SASH1: variants seen among roughly 807,000 people sequenced by gnomAD.
The protein encoded by SASH1 is SAM and SH3 domain-containing protein 1.
SASH1 carries 44 observed loss-of-function variants against 125.2 expected under a neutral mutation model. That is an observed-to-expected ratio of 0.35 (90% CI 0.28 to 0.45). SASH1 has a LOEUF of 0.45. SASH1 is among the 20% of genes least tolerant of loss of function. The pLI, the probability that SASH1 is intolerant of heterozygous loss-of-function variation, is 1.00. For synonymous variants in SASH1, 639 were observed against 649.1 expected (o/e 0.98, Z 0.24); for missense variants, 1,426 against 1,614.5 (o/e 0.88, Z 2.00).
intron 2 of SASH1, among the ~76,000 whole-genome samples, chr6:148,420,209 G>A (rs902070429): frequency 6.6e-6 from 1 of 152,136 alleles, no homozygotes; most frequent in South Asian, 2.1e-4. Flanking sequence ...GATAGTGTGC[G>A]TGTGTGTATG....
At chr6:148,277,617 C>T (rs915169947) in intron 1 of SASH1, among the ~76,000 whole-genome samples, 7 of 152,190 alleles carry the variant, frequency 4.6e-5, no homozygotes, top group African/African-American at 1.7e-4. Context: ...TATGTTGACA[C>T]TCCAATAGTT....
chr6:148,431,103 GA>G (rs1243076361), intron 2 of SASH1, among the ~76,000 whole-genome samples: 1 of 152,240 alleles, frequency 6.6e-6, no homozygotes, highest in East Asian at 1.9e-4. Context: ...ACTACAAGTG[GA>G]ATGGATTCAC....
At position 148,320,921 on chromosome 6, in the gene SASH1, C is replaced by A. The variant is rs73597360; in HGVS notation, n.74+48544C>A. 7.9e-3 allele frequency among the ~76,000 whole-genome samples: 1,205 copies of A among 152,348 alleles called. 10 individuals are homozygous for A. The highest frequency in any genetic ancestry group is 0.027 in the African/African-American group (1,139 of 41,574). On this transcript the variant is annotated intron_variant and non_coding_transcript_variant, in intron 1 of 3. Transcript: ENST00000367469. The stretch of plus-strand genomic sequence containing the variant: ...ACCACATGGCTGAGTAATTTTGATT[C>A]TTCCTTCAGTACTTCTTACTAACTC...
the SASH1 span, among the ~76,000 whole-genome samples, chr6:148,232,689 T>C: frequency 3.3e-5 from 5 of 152,126 alleles, no homozygotes; most frequent in Non-Finnish European, 2.9e-5. Flanking sequence ...AAGCCAAAGA[T>C]TGTGAGGAAG....
chr6:148,194,831 A>C, the SASH1 span, among the ~76,000 whole-genome samples: 1 of 152,154 alleles, frequency 6.6e-6, no homozygotes, highest in Admixed American at 6.5e-5. Flanking sequence ...GCGTGAACCT[A>C]GGAGGCGGAG....
intron 1 of SASH1, among the ~76,000 whole-genome samples, chr6:148,362,044 G>A (rs1782243052): frequency 3.3e-5 from 5 of 149,968 alleles, no homozygotes; most frequent in South Asian, 4.2e-4. Flanking sequence ...CTCCCGAGTA[G>A]CTGGGACTAC....
At chr6:148,250,555 TA>T in the SASH1 span, among the ~76,000 whole-genome samples, 4 of 124,378 alleles carry the variant, frequency 3.2e-5, no homozygotes, top group African/African-American at 1.2e-4. Context: ...TAACCAGGCC[TA>T]AAAAAGCCTT....
At chr6:148,337,629 C>T (rs561741311) in intron 1 of SASH1, among the ~76,000 whole-genome samples, 12 of 151,848 alleles carry the variant, frequency 7.9e-5, no homozygotes, top group East Asian at 5.8e-4. Flanking sequence ...CTCAAAGTGC[C>T]GGGATTACAG....
intron 8 of SASH1, among the ~76,000 whole-genome samples, chr6:148,502,765 G>A (rs1163704470): frequency 6.6e-6 from 1 of 152,188 alleles, no homozygotes; most frequent in Non-Finnish European, 1.5e-5. Context: ...GGTGGGAGAA[G>A]TAGGGCCCCA....
chr6:148,376,971 C>T (rs1782923616), intron 1 of SASH1, among the ~76,000 whole-genome samples: 1 of 151,342 alleles, frequency 6.6e-6, no homozygotes, highest in African/African-American at 2.4e-5. Flanking sequence ...GAGATCGAGA[C>T]CATCCCGGCT....
At chr6:148,416,552 A>G (rs946379816) in intron 2 of SASH1, among the ~76,000 whole-genome samples, 2 of 152,142 alleles carry the variant, frequency 1.3e-5, no homozygotes, top group African/African-American at 4.8e-5. Context: ...AACCCTTCAC[A>G]AGTGTTACCT....
At chr6:148,521,939 CTCATGTTATTTACTG>C (rs1780838133) in intron 10 of SASH1, among the ~76,000 whole-genome samples, 1 of 152,202 alleles carries the variant, frequency 6.6e-6, no homozygotes, top group Non-Finnish European at 1.5e-5. Flanking sequence ...TGATGTGCCT[CTCATGTTATTTACTG>C]TCAGATTAAT....
chr6:148,313,616 C>G (rs1780395079), intron 1 of SASH1, among the ~76,000 whole-genome samples: 1 of 152,096 alleles, frequency 6.6e-6, no homozygotes, highest in South Asian at 2.1e-4. Context: ...TTCCACTGCC[C>G]CCACTACCCC....
At chr6:148,447,397 G>T (rs1472236150) in intron 4 of SASH1, among the ~76,000 whole-genome samples, 1 of 152,138 alleles carries the variant, frequency 6.6e-6, no homozygotes, top group Non-Finnish European at 1.5e-5. Context: ...ACAATGCTTC[G>T]CTCTCAGGTA....
the SASH1 span, among the ~76,000 whole-genome samples, chr6:148,198,078 A>C: frequency 1.3e-5 from 2 of 152,076 alleles, no homozygotes; most frequent in Non-Finnish European, 2.9e-5. Flanking sequence ...TCACACTCCT[A>C]ACCTCAAGTG....
intron 8 of SASH1, 30 bp from the exon 9 acceptor site, chr6:148,514,294 G>T: frequency 6.3e-7 from 1 of 1,581,248 alleles, no homozygotes; most frequent in Non-Finnish European, 8.6e-7. Context: ...GCAATTACCT[G>T]ATTAACTTTT....
intron 8 of SASH1, among the ~76,000 whole-genome samples, chr6:148,503,858 C>G (rs536668818): frequency 1.3e-5 from 2 of 151,966 alleles, no homozygotes; most frequent in African/African-American, 4.8e-5. Context: ...AGGCATAAAC[C>G]AAAATATTAC....
At chr6:148,374,512 A>G (rs1782814449) in intron 1 of SASH1, among the ~76,000 whole-genome samples, 1 of 152,254 alleles carries the variant, frequency 6.6e-6, no homozygotes. Context: ...TAACTGGGTT[A>G]GGAGAATGAT....
the SASH1 span, among the ~76,000 whole-genome samples, chr6:148,253,333 T>C: frequency 5.3e-5 from 8 of 152,154 alleles, no homozygotes; most frequent in African/African-American, 1.9e-4. Flanking sequence ...ATGAGTAGTC[T>C]TTTCAACAAA....
Sources: allele counts gnomAD v4.1 joint callset (sites outside exome capture counted in the v4.1 genomes callset), GRCh38; gene constraint gnomAD v4.1.1; transcripts MANE v1.5; gene names NCBI Gene and HGNC (gene_info 2026-07-23, HGNC 2026-07-21).